KAZN: variants seen among roughly 807,000 people sequenced by gnomAD.
KAZN encodes kazrin.
In KAZN, 40 loss-of-function variants were observed where a neutral mutation model predicts 87.4. That is an observed-to-expected ratio of 0.46 (90% CI 0.36 to 0.60). The LOEUF is 0.60. KAZN is among the 20% of genes least tolerant of loss of function. KAZN has a pLI of 0.00. For synonymous variants in KAZN, 466 were observed against 458.3 expected (o/e 1.02, Z -0.22); for missense variants, 898 against 1,073.9 (o/e 0.84, Z 2.29).
chr1:15,103,542 T>C (rs542151755), intron 12 of KAZN, 82 bp downstream of exon 12: 22 of 890,236 alleles, frequency 2.5e-5, no homozygotes, highest in Non-Finnish European at 3.5e-5. Context: ...AATATGCAAA[T>C]CACATGCAAA....
At chr1:15,093,239 G>A (rs1231019155) in intron 8 of KAZN, among the ~76,000 whole-genome samples, 2 of 152,008 alleles carry the variant, frequency 1.3e-5, no homozygotes, top group African/African-American at 4.8e-5. Context: ...TCAAATGCAC[G>A]CACCCCGTAA....
intron 1 of KAZN, among the ~76,000 whole-genome samples, chr1:14,832,743 C>T (rs547150327): frequency 5.7e-4 from 87 of 152,298 alleles, no homozygotes; most frequent in Non-Finnish European, 1.1e-3. Flanking sequence ...AGACCAATCC[C>T]GCCACTTGAT....
At position 15,096,825 on chromosome 1, in the gene KAZN, C is replaced by T. The variant is rs1185997360; in HGVS notation, c.1547+1892C>T. 3.3e-5 allele frequency among the ~76,000 whole-genome samples: 5 copies of T among 152,164 alleles called. No individual in the cohort carries two copies. Among genetic ancestry groups the T allele is most frequent in the Non-Finnish European group, 7.3e-5 (5 of 68,028 alleles). ...CCTATGACCTCATCTAATCAGCTCC[C>T]AAAGGCCCCAGCCACAAATACCATC... On this transcript the variant is annotated intron_variant, in intron 10 of 14. Transcript: ENST00000376030. This position sits in a 1 kb window ranked among gnomAD's most constrained non-coding sequence, Gnocchi z 4.5.
At chr1:14,156,306 T>G (rs939553827) in intron 1 of KAZN, among the ~76,000 whole-genome samples, 2 of 152,238 alleles carry the variant, frequency 1.3e-5, no homozygotes, top group Non-Finnish European at 2.9e-5. Flanking sequence ...AGAATGAATA[T>G]TCTGCGGCTG....
intron 1 of KAZN, among the ~76,000 whole-genome samples, chr1:13,919,275 C>G (rs1023930725): frequency 3.9e-5 from 6 of 152,210 alleles, no homozygotes; most frequent in Admixed American, 6.5e-5. Context: ...GTAGTTTTGC[C>G]TGTTTTTGAC....
At chr1:14,506,779 A>C (rs1259463117) in intron 2 of KAZN, among the ~76,000 whole-genome samples, 1 of 152,198 alleles carries the variant, frequency 6.6e-6, no homozygotes, top group East Asian at 1.9e-4. Context: ...AAAGAAATAA[A>C]ACTGTGTGTA....
chr1:14,659,244 A>T (rs963272641), intron 1 of KAZN, among the ~76,000 whole-genome samples: 1 of 151,960 alleles, frequency 6.6e-6, no homozygotes, highest in African/African-American at 2.4e-5. Context: ...AAAATAAAAT[A>T]AAAATAATAA....
At chr1:14,386,923 C>T (rs1039126380) in intron 2 of KAZN, among the ~76,000 whole-genome samples, 23 of 152,186 alleles carry the variant, frequency 1.5e-4, no homozygotes, top group Non-Finnish European at 1.9e-4. Context: ...CAACTTGGTT[C>T]CATTCTCCCC....
In KAZN at chr1:15,094,320, C is replaced by G; in HGVS notation, c.1363C>G (p.Leu455Val). Residue 455 changes from leucine (L) to valine (V), a missense_variant, in exon 9 of 15, where the codon CTG becomes GTG. Coordinates refer to ENST00000376030, the MANE Select transcript of KAZN (RefSeq NM_201628.3). This position sits in a 1 kb window ranked among gnomAD's most constrained non-coding sequence, Gnocchi z 4.5. ...HWKAGTVQAWLEVVMAMPMYV... is the reference protein window; with the variant it reads ...HWKAGTVQAWVEVVMAMPMYV... Reference sequence around the variant, plus strand: ...GAAGGCGGGCACCGTCCAGGCCTGGCTGGAGGTGGTGATGGCCATGCCTAT... The same window carrying G: ...GAAGGCGGGCACCGTCCAGGCCTGGGTGGAGGTGGTGATGGCCATGCCTAT... 6.2e-7 allele frequency: 1 copy of G among 1,613,918 alleles called. No homozygotes were observed. The highest frequency in any genetic ancestry group is 8.5e-7 in the Non-Finnish European group (1 of 1,179,854).
chr1:14,512,043 G>A (rs796593692), intron 2 of KAZN, among the ~76,000 whole-genome samples: 5 of 152,226 alleles, frequency 3.3e-5, no homozygotes, highest in African/African-American at 1.2e-4. Context: ...TGGAGGGCAC[G>A]CTGCTGTTTT....
chr1:14,293,013 A>C (rs996573653), intron 2 of KAZN, among the ~76,000 whole-genome samples: 7 of 152,168 alleles, frequency 4.6e-5, no homozygotes, highest in African/African-American at 1.7e-4. Context: ...TGGAGAGGTG[A>C]AGACTGAACT....
chr1:14,055,649 C>T (rs1438285343), intron 1 of KAZN, among the ~76,000 whole-genome samples: 1 of 152,124 alleles, frequency 6.6e-6, no homozygotes, highest in African/African-American at 2.4e-5. Flanking sequence ...CTAACAGTTC[C>T]CTGTAAACCT....
At chr1:14,962,145 A>T (rs1422878058) in intron 2 of KAZN, among the ~76,000 whole-genome samples, 1 of 152,240 alleles carries the variant, frequency 6.6e-6, no homozygotes, top group Non-Finnish European at 1.5e-5. Flanking sequence ...AAGGGGTGTG[A>T]TGTGGGCAGC....
intron 8 of KAZN, among the ~76,000 whole-genome samples, chr1:15,070,312 C>A (rs2100588248): frequency 6.6e-6 from 1 of 152,370 alleles, no homozygotes; most frequent in Admixed American, 6.5e-5. Flanking sequence ...CCCGCAGGCC[C>A]AGAAAGCTCA....
At chr1:14,169,007 C>A (rs2100248486) in intron 1 of KAZN, among the ~76,000 whole-genome samples, 1 of 152,246 alleles carries the variant, frequency 6.6e-6, no homozygotes. Flanking sequence ...AAGTAAATAG[C>A]AGAGTTCATC....
intron 1 of KAZN, among the ~76,000 whole-genome samples, chr1:14,959,381 G>C (rs917617096): frequency 1.3e-5 from 2 of 152,198 alleles, no homozygotes; most frequent in Admixed American, 1.3e-4. Flanking sequence ...GCTGGAAAGA[G>C]TGTGGCATAT....
intron 2 of KAZN, among the ~76,000 whole-genome samples, chr1:14,576,307 TGG>T: frequency 6.6e-6 from 1 of 150,802 alleles, no homozygotes; most frequent in Non-Finnish European, 1.5e-5. Flanking sequence ...GATGGATGGA[TGG>T]ATGGATGGAT....
At chr1:14,465,235 TA>T (rs1487965087) in intron 2 of KAZN, among the ~76,000 whole-genome samples, 4 of 151,300 alleles carry the variant, frequency 2.6e-5, no homozygotes. Context: ...CCATCTCTAC[TA>T]AAAATACAAA....
At chr1:14,076,211 G>T (rs1313388403) in intron 1 of KAZN, among the ~76,000 whole-genome samples, 1 of 152,146 alleles carries the variant, frequency 6.6e-6, no homozygotes, top group Non-Finnish European at 1.5e-5. Context: ...AACCCGGGAG[G>T]TGGAGGTTGC....
Sources: gnomAD v4.1 joint callset for allele counts (sites outside exome capture counted in the v4.1 genomes callset) on GRCh38, gnomAD v4.1.1 for gene constraint, Gnocchi (gnomAD v3.1) non-coding constraint, MANE v1.5 for transcripts, NCBI Gene and HGNC (gene_info 2026-07-23, HGNC 2026-07-21) for gene names.